Variants in UBE2U observed in about 807,000 individuals in gnomAD.
UBE2U encodes the protein ubiquitin-conjugating enzyme E2 U.
UBE2U carries 39 observed loss-of-function variants against 41.2 expected under a neutral mutation model. That is an observed-to-expected ratio of 0.95 (90% confidence interval 0.73 to 1.24). The LOEUF (loss-of-function observed/expected upper bound fraction) is 1.24. Among genes scored for constraint, UBE2U ranks in the 50% most tolerant of loss-of-function variants. The probability of loss-of-function intolerance (pLI) is 0.00; values close to 1 mark genes in which losing one functional copy is unlikely to be tolerated. For synonymous variants in UBE2U, 107 were observed against 117.8 expected, an observed-to-expected ratio of 0.91 and a Z score of 0.60; for missense variants, 336 against 363.1, an observed-to-expected ratio of 0.93 and a Z score of 0.61.
intron 8 of UBE2U, among the ~76,000 whole-genome samples, chr1:64,247,408 AT>A (rs1379129706): frequency 1.3e-5 from 2 of 152,242 alleles, no homozygotes; most frequent in East Asian, 3.9e-4. Flanking sequence ...CCCAAATCTT[AT>A]GTTGATATTT....
intron 6 of UBE2U, among the ~76,000 whole-genome samples, chr1:64,227,457 A>G (rs1652950696): frequency 6.6e-6 from 1 of 152,346 alleles, no homozygotes; most frequent in African/African-American, 2.4e-5. Flanking sequence ...ATTAAAAATT[A>G]ACTATGTTTC....
chr1:64,246,191 T>G (rs1419291301), intron 8 of UBE2U, among the ~76,000 whole-genome samples: 1 of 152,172 alleles, frequency 6.6e-6, no homozygotes, highest in Non-Finnish European at 1.5e-5. Context: ...ATAAAAAAAC[T>G]TTCTTATATC....
intron 3 of UBE2U, among the ~76,000 whole-genome samples, chr1:64,208,015 A>G (rs986519977): frequency 6.6e-6 from 1 of 152,240 alleles, no homozygotes; most frequent in African/African-American, 2.4e-5. Context: ...GACAGAATAA[A>G]CAACAAAAAT....
At chr1:64,207,697 T>G (rs961830756) in intron 3 of UBE2U, among the ~76,000 whole-genome samples, 3 of 152,200 alleles carry the variant, frequency 2.0e-5, no homozygotes, top group Non-Finnish European at 1.5e-5. Flanking sequence ...TCTAAAAATT[T>G]TAAATGCTGG....
At chr1:64,261,643 T>G (rs1360904954) in intron 9 of UBE2U, among the ~76,000 whole-genome samples, 1 of 152,186 alleles carries the variant, frequency 6.6e-6, no homozygotes, top group African/African-American at 2.4e-5. Context: ...AGCCTCAGCC[T>G]TCTCCATTCA....
intron 4 of UBE2U, 48 bp downstream of exon 4, chr1:64,210,887 C>A: frequency 7.6e-7 from 1 of 1,320,972 alleles, no homozygotes; most frequent in South Asian, 1.4e-5. Flanking sequence ...TTTAATTACC[C>A]TAATTATTCA....
intron 3 of UBE2U, among the ~76,000 whole-genome samples, chr1:64,210,229 A>AT (rs1651582988): frequency 6.6e-6 from 1 of 152,030 alleles, no homozygotes; most frequent in African/African-American, 2.4e-5. Context: ...TAACTCTATT[A>AT]TTTTTTCAAA....
At chr1:64,244,125 T>A in intron 8 of UBE2U, 1 of 1,606,662 alleles carries the variant, frequency 6.2e-7, no homozygotes. Flanking sequence ...TCATTCAATT[T>A]GCAGATGAAA....
rs1314612452 is a variant in UBE2U at position 64,266,654 on chromosome 1, CTCTG to C, written c.770-366_770-363del. The stretch of plus-strand genomic sequence containing the variant: ...TATCTAACATGTTCTGACCTCCCTT[CTCTG>C]TCTAACAAACTGGTCTTCCTGTTTC... On this transcript the variant is annotated intron_variant, in intron 9 of 9. Transcript: ENST00000371077. 1.7e-4 allele frequency among the ~76,000 whole-genome samples: 26 copies of C among 152,320 alleles called. No individual in the cohort carries two copies. The East Asian group carries it at 5.0e-3, about 29-fold the overall frequency.
intron 6 of UBE2U, among the ~76,000 whole-genome samples, chr1:64,224,672 G>A (rs947593787): frequency 3.3e-5 from 5 of 151,096 alleles, no homozygotes; most frequent in Admixed American, 6.6e-5. Flanking sequence ...GCAGTGAGCC[G>A]AGATTGCGCC....
intron 7 of UBE2U, among the ~76,000 whole-genome samples, chr1:64,239,157 A>AAGAAGAAGAAGAAGAAGAAGAAGAAGAAG: frequency 3.8e-4 from 14 of 37,030 alleles, no homozygotes; most frequent in Admixed American, 6.3e-4. Flanking sequence ...GAAGAAGAAG[A>AAGAAGAAGAAGAAGAAGAAGAAGAAGAAG]AAGAAGAAGA....
At chr1:64,225,401 A>G (rs557455079) in intron 6 of UBE2U, among the ~76,000 whole-genome samples, 47 of 152,352 alleles carry the variant, frequency 3.1e-4, no homozygotes, top group African/African-American at 1.1e-3. Flanking sequence ...GGCTGGGCCA[A>G]ATCACTTAGG....
At chr1:64,246,767 C>A (rs1455555180) in intron 8 of UBE2U, among the ~76,000 whole-genome samples, 3 of 152,142 alleles carry the variant, frequency 2.0e-5, no homozygotes, top group Non-Finnish European at 2.9e-5. Flanking sequence ...GATAGTCAAC[C>A]ATTCCAGAAA....
intron 9 of UBE2U, among the ~76,000 whole-genome samples, chr1:64,264,799 A>AT (rs1570168465): frequency 6.6e-6 from 1 of 152,132 alleles, no homozygotes; most frequent in East Asian, 1.9e-4. Context: ...CTAAAAAAAA[A>AT]ATTAGCTGGG....
At position 64,214,895 on chromosome 1, in the gene UBE2U, C is replaced by T; in HGVS notation, c.420C>T (p.Tyr140=). 1.2e-6 allele frequency: 2 copies of T among 1,614,152 alleles called. No homozygotes were observed. The highest frequency in any genetic ancestry group is 1.7e-6 in the Non-Finnish European group (2 of 1,179,982). Residue 140 remains tyrosine (Y), a synonymous_variant, in exon 5 of 10, where the codon TAC becomes TAT. Transcript: ENST00000371077. ...TACTGGTTAAAGATGAATCTCTGTA[C>T]AGAACAATTCTAAGACTTTTCAACA... The part of the protein sequence containing the change: ...ARILVKDESL[Y]RTILRLFNRP...
chr1:64,215,300 A>G (rs1302407254), intron 5 of UBE2U, among the ~76,000 whole-genome samples: 2 of 152,234 alleles, frequency 1.3e-5, no homozygotes, highest in Non-Finnish European at 2.9e-5. Flanking sequence ...CATTTATAGC[A>G]TAGTGATCTA....
rs1198134826 is a variant in UBE2U at position 64,216,412 on chromosome 1, A to G, written c.457+1480A>G. Among the ~76,000 whole-genome samples, 4 of 152,238 alleles carry G rather than the reference A, an allele frequency of 2.6e-5. 1 individual carries two copies. In the East Asian group the frequency reaches 7.7e-4, roughly 29 times the overall value. On this transcript the variant is annotated intron_variant, in intron 5 of 9. Transcript: ENST00000371077. ...ACTGTATATATTTAGCCAACAGAAG[A>G]AAAGATAAAGGGCAGTTGTAAAAGC... is the stretch of plus-strand genomic sequence containing the variant.
chr1:64,221,161 G>T (rs532492581), intron 6 of UBE2U, among the ~76,000 whole-genome samples: 1 of 152,230 alleles, frequency 6.6e-6, no homozygotes, highest in African/African-American at 2.4e-5. Context: ...GCCCAGGCTG[G>T]AATGCAATGG....
chr1:64,216,604 G>A (rs1449036659), intron 5 of UBE2U, among the ~76,000 whole-genome samples: 1 of 152,140 alleles, frequency 6.6e-6, no homozygotes, highest in Non-Finnish European at 1.5e-5. Flanking sequence ...GCCCTGCCTC[G>A]TGTCAGTACA....
Sources: gnomAD v4.1 joint callset for allele counts (sites outside exome capture counted in the v4.1 genomes callset) on GRCh38, gnomAD v4.1.1 for gene constraint, MANE v1.5 for transcripts, NCBI Gene and HGNC (gene_info 2026-07-23, HGNC 2026-07-21) for gene names.